ACBD3: variants seen among roughly 807,000 people sequenced by gnomAD.
The protein encoded by ACBD3 is Golgi resident protein GCP60.
A neutral mutation model predicts 66.9 loss-of-function variants in ACBD3; 30 were observed. The ratio of observed to expected loss-of-function variants is 0.45; its 90% confidence interval spans 0.34 to 0.61. The LOEUF (loss-of-function observed/expected upper bound fraction) is 0.61, where lower values mean the gene tolerates loss of function less well. Ranked by LOEUF, ACBD3 falls within the 20% of genes least tolerant of loss-of-function variation. The pLI, the probability that ACBD3 is intolerant of heterozygous loss-of-function variation, is 0.02. For missense variants in ACBD3, 544 were observed against 664.5 expected (o/e 0.82, Z 1.99); for synonymous variants, 278 against 259.8 (o/e 1.07, Z -0.68).
chr1:226,151,365 G>A (rs958956281), intron 7 of ACBD3, among the ~76,000 whole-genome samples: 1 of 152,142 alleles, frequency 6.6e-6, no homozygotes, highest in Non-Finnish European at 1.5e-5. Flanking sequence ...CTTATTAAGT[G>A]TATATAAACA....
chr1:226,180,103 G>A (rs1009605937), intron 1 of ACBD3, among the ~76,000 whole-genome samples: 1 of 150,958 alleles, frequency 6.6e-6, no homozygotes, highest in African/African-American at 2.4e-5. Flanking sequence ...CCTAGGAGGC[G>A]GAGGTTGCAG....
chr1:226,183,411 T>C (rs918944343), intron 1 of ACBD3, among the ~76,000 whole-genome samples: 4 of 152,126 alleles, frequency 2.6e-5, no homozygotes, highest in Admixed American at 6.6e-5. Context: ...CTCGATCTCC[T>C]GACCTTGTGA....
chr1:226,154,746 T>C lies in ACBD3; in HGVS notation c.991A>G (p.Met331Val). 1 of 1,613,972 alleles carries C rather than the reference T, an allele frequency of 6.2e-7. No individual in the cohort carries two copies. Among genetic ancestry groups the C allele is most frequent in the Non-Finnish European group, 8.5e-7 (1 of 1,179,922 alleles). Residue 331 changes from methionine (M) to valine (V), a missense_variant, in exon 6 of 8, where the codon ATG (methionine) becomes GTG (valine). This residue lies in a region of ACBD3 where 383 missense variants were observed against 462.4 expected (regional missense o/e 0.83). Coordinates refer to ENST00000366812, the MANE Select transcript of ACBD3 (RefSeq NM_022735.4). The stretch of plus-strand genomic sequence containing the variant: ...TTGGCCTGTCCATTAACTGACATCA[T>C]ATTACTTGGTACAGTTGCATTCACT... ...SKVNATVPSN[M>V]MSVNGQAKTH... is the part of the protein sequence containing the mutation.
chr1:226,155,729 G>A (rs1659659363), intron 5 of ACBD3, among the ~76,000 whole-genome samples: 1 of 152,150 alleles, frequency 6.6e-6, no homozygotes, highest in Non-Finnish European at 1.5e-5. Flanking sequence ...GAAAAATTAT[G>A]ATCACAATGA....
chr1:226,157,639 G>A (rs774508273), intron 5 of ACBD3, among the ~76,000 whole-genome samples: 7 of 151,860 alleles, frequency 4.6e-5, no homozygotes, highest in Admixed American at 1.3e-4. Flanking sequence ...TCCTGAGCTC[G>A]AGTGATCCTC....
At chr1:226,185,594 C>G (rs1189603534) in intron 1 of ACBD3, among the ~76,000 whole-genome samples, 1 of 151,224 alleles carries the variant, frequency 6.6e-6, no homozygotes, top group Non-Finnish European at 1.5e-5. Flanking sequence ...GGTCTCTCCA[C>G]CATTCGACTA....
Position 226,146,463 on chromosome 1 carries a change from T to C in ACBD3, c.*147A>G, listed in dbSNP as rs1659453092. On this transcript the variant is annotated 3_prime_UTR_variant, in exon 8 of 8. Coordinates refer to ENST00000366812, the MANE Select transcript of ACBD3 (RefSeq NM_022735.4). Reference sequence around the variant, plus strand: ...AATGCTAAAGAGTCTCAAGGAAATTTTGATTCCCAGCAAGAGTTCACAAAC... The same window carrying C: ...AATGCTAAAGAGTCTCAAGGAAATTCTGATTCCCAGCAAGAGTTCACAAAC... The C allele has an allele frequency of 1.4e-6, 1 of 692,806 alleles. No homozygotes were observed. Among genetic ancestry groups the C allele is most frequent in the African/African-American group, 1.8e-5 (1 of 55,622 alleles). 42.9% of individuals were successfully genotyped at this position (692,806 alleles called of 1,614,324 possible).
chr1:226,160,767 G>A (rs1659756368), intron 4 of ACBD3, among the ~76,000 whole-genome samples: 1 of 152,158 alleles, frequency 6.6e-6, no homozygotes, highest in Non-Finnish European at 1.5e-5. Context: ...CCCTCTTGAA[G>A]AACCTGTCAG....
At chr1:226,186,199 G>C (rs1474896591) in intron 1 of ACBD3, among the ~76,000 whole-genome samples, 191 bp downstream of exon 1, 1 of 152,200 alleles carries the variant, frequency 6.6e-6, no homozygotes, top group Non-Finnish European at 1.5e-5. Flanking sequence ...GGCCCGTCAG[G>C]GGTGTGACCT....
chr1:226,175,360 T>C (rs1260171731), intron 1 of ACBD3, among the ~76,000 whole-genome samples: 2 of 152,138 alleles, frequency 1.3e-5, no homozygotes, highest in African/African-American at 2.4e-5. Flanking sequence ...AAACAAAATC[T>C]AACCACAATA....
rs779380166 is a variant in ACBD3 at position 226,172,155 on chromosome 1, C to CAAAAAAAAAAAAAAAAAA, written c.287-6156_287-6155insTTTTTTTTTTTTTTTTTT. Among the ~76,000 whole-genome samples, 77 of 43,208 alleles carry CAAAAAAAAAAAAAAAAAA rather than the reference C, an allele frequency of 1.8e-3. 7 individuals carry two copies. The highest frequency in any genetic ancestry group is 0.017 in the East Asian group (12 of 686). 28.3% of individuals were successfully genotyped at this position (43,208 alleles called of 152,430 possible). On this transcript the variant is annotated intron_variant, in intron 1 of 7. Transcript: ENST00000366812. ...GGGAAACAAGAGCAAAACTCCATCTCAAAAAAAAAAAAAAAGAGGAATACA... is the reference window on the plus strand; with the variant it reads ...GGGAAACAAGAGCAAAACTCCATCTCAAAAAAAAAAAAAAAAAAAAAAAAAAAAAAAAAGAGGAATACA...
At chr1:226,183,802 T>G (rs1558133165) in intron 1 of ACBD3, among the ~76,000 whole-genome samples, 1 of 149,276 alleles carries the variant, frequency 6.7e-6, no homozygotes, top group Non-Finnish European at 1.5e-5. Context: ...GAGAATCACT[T>G]GAACCCTCGA....
intron 5 of ACBD3, among the ~76,000 whole-genome samples, chr1:226,155,290 G>A (rs772203192): frequency 1.3e-5 from 2 of 151,898 alleles, no homozygotes; most frequent in African/African-American, 2.4e-5. Context: ...GGCAGCACAC[G>A]CCTGTAATCC....
chr1:226,152,224 C>T, intron 7 of ACBD3, 111 bp downstream of exon 7: 13 of 1,406,738 alleles, frequency 9.2e-6, no homozygotes, highest in Non-Finnish European at 1.2e-5. Context: ...AAAGTGTTCC[C>T]TAACCATGAA....
At chr1:226,180,738 C>A (rs983844655) in intron 1 of ACBD3, among the ~76,000 whole-genome samples, 1 of 152,162 alleles carries the variant, frequency 6.6e-6, no homozygotes. Flanking sequence ...GTGGCTCACG[C>A]CTGTAATTCT....
chr1:226,160,687 C>A (rs1397562727), intron 4 of ACBD3, among the ~76,000 whole-genome samples: 2 of 152,186 alleles, frequency 1.3e-5, no homozygotes, highest in Non-Finnish European at 2.9e-5. Flanking sequence ...AGCCATGCCA[C>A]CCCTACAAAC....
At chr1:226,174,451 A>G (rs939805307) in intron 1 of ACBD3, among the ~76,000 whole-genome samples, 1 of 152,198 alleles carries the variant, frequency 6.6e-6, no homozygotes, top group African/African-American at 2.4e-5. Flanking sequence ...ACTAAAAGGA[A>G]TAAGGAAGCC....
intron 7 of ACBD3, 70 bp downstream of exon 7, chr1:226,152,265 C>T (rs375132191): frequency 1.9e-6 from 3 of 1,566,224 alleles, no homozygotes; most frequent in East Asian, 4.5e-5. Context: ...GGCTGGGTGA[C>T]ACCTGAACTA....
intron 5 of ACBD3, among the ~76,000 whole-genome samples, chr1:226,156,118 G>C (rs1290432784): frequency 6.6e-6 from 1 of 152,206 alleles, no homozygotes; most frequent in African/African-American, 2.4e-5. Context: ...ACACATCCAT[G>C]TAACTAATAC....
Sources: gnomAD v4.1 joint callset for allele counts (sites outside exome capture counted in the v4.1 genomes callset) on GRCh38, gnomAD v4.1.1 for gene constraint, gnomAD v4.1.1 regional missense constraint, MANE v1.5 for transcripts, NCBI Gene and HGNC (gene_info 2026-07-23, HGNC 2026-07-21) for gene names.